The following NBAS variants were observed in gnomAD, a reference collection of about 807,000 sequenced individuals.
The protein encoded by NBAS is NAG/BC035112 fusion.
NBAS carries 219 observed loss-of-function variants against 302.5 expected under a neutral mutation model. The ratio of observed to expected loss-of-function variants is 0.72; its 90% CI spans 0.65 to 0.81. The LOEUF is 0.81. NBAS is among the 30% of genes least tolerant of loss of function. The pLI is 0.00. For synonymous variants in NBAS, 1,118 were observed against 1,021.6 expected, an observed-to-expected ratio of 1.09 and a Z score of -1.80; for missense variants, 2,932 against 2,841.6, an observed-to-expected ratio of 1.03 and a Z score of -0.72.
At chr2:15,203,593 G>A (rs1332323169) in intron 48 of NBAS, among the ~76,000 whole-genome samples, 1 of 151,930 alleles carries the variant, frequency 6.6e-6, no homozygotes, top group Admixed American at 6.6e-5. Flanking sequence ...AAAATAGAAT[G>A]ACAAGAACAA....
chr2:15,064,494 A>G, the NBAS span, among the ~76,000 whole-genome samples: 77,046 of 151,826 alleles, frequency 0.51, 21,807 homozygotes, highest in Non-Finnish European at 0.62. Context: ...AAGTAGTTTG[A>G]CATGCAAAAA....
chr2:14,855,495 G>A, the NBAS span, among the ~76,000 whole-genome samples: 1 of 151,812 alleles, frequency 6.6e-6, no homozygotes. Flanking sequence ...CTTCACTCTT[G>A]GATGGCATTT....
chr2:15,559,663 T>A (rs1388161238), intron 1 of NBAS, among the ~76,000 whole-genome samples: 3 of 152,180 alleles, frequency 2.0e-5, no homozygotes, highest in African/African-American at 7.2e-5. Context: ...AGCTTATAAT[T>A]CAACAGCTGA....
the NBAS span, among the ~76,000 whole-genome samples, chr2:14,885,016 G>A: frequency 6.6e-6 from 1 of 152,314 alleles, no homozygotes; most frequent in East Asian, 1.9e-4. Flanking sequence ...AAGAGGCTGA[G>A]TCCACACTGT....
chr2:14,999,676 T>A, the NBAS span, among the ~76,000 whole-genome samples: 219 of 152,352 alleles, frequency 1.4e-3, no homozygotes, highest in African/African-American at 5.0e-3. Context: ...CCTGTGGAAC[T>A]GTGAGTCAAT....
At chr2:15,054,860 A>T in the NBAS span, among the ~76,000 whole-genome samples, 2 of 152,202 alleles carry the variant, frequency 1.3e-5, no homozygotes, top group Non-Finnish European at 2.9e-5. Context: ...TTGTTGCAAG[A>T]TGTTAATAGA....
At chr2:15,415,525 A>C in intron 25 of NBAS, 21 bp downstream of exon 25, 1 of 1,611,136 alleles carries the variant, frequency 6.2e-7, no homozygotes, top group Non-Finnish European at 8.5e-7. Flanking sequence ...CCAGAATTTT[A>C]AGAAGTTAGT....
At chr2:15,068,858 G>A in the NBAS span, among the ~76,000 whole-genome samples, 86,795 of 152,074 alleles carry the variant, frequency 0.57, 25,747 homozygotes, top group East Asian at 0.69. Context: ...TTATAAGAAA[G>A]GGGATTTATT....
chr2:15,362,410 A>C (rs547572400), intron 32 of NBAS, among the ~76,000 whole-genome samples: 13 of 152,134 alleles, frequency 8.5e-5, no homozygotes, highest in Non-Finnish European at 1.9e-4. Flanking sequence ...CAGGAGGCTG[A>C]GGCAGGAGGA....
chr2:15,072,887 G>A, the NBAS span, among the ~76,000 whole-genome samples: 1 of 152,184 alleles, frequency 6.6e-6, no homozygotes, highest in East Asian at 1.9e-4. Flanking sequence ...CCAACACTTT[G>A]AGAGGCTGAG....
intron 31 of NBAS, among the ~76,000 whole-genome samples, chr2:15,367,465 C>A (rs879267425): frequency 1.3e-5 from 2 of 152,108 alleles, no homozygotes; most frequent in Non-Finnish European, 2.9e-5. Flanking sequence ...GTCTCAGGCA[C>A]TGTTGGAGGT....
intron 29 of NBAS, among the ~76,000 whole-genome samples, chr2:15,380,897 C>T (rs1307567581): frequency 6.7e-6 from 1 of 149,882 alleles, no homozygotes; most frequent in Non-Finnish European, 1.5e-5. Flanking sequence ...TTCTTTGTGT[C>T]TAGGCTTCCT....
the NBAS span, among the ~76,000 whole-genome samples, chr2:15,050,119 A>C: frequency 6.6e-6 from 1 of 152,132 alleles, no homozygotes; most frequent in African/African-American, 2.4e-5. Flanking sequence ...AGCTTTCTTC[A>C]ACCACTCGAG....
intron 48 of NBAS, among the ~76,000 whole-genome samples, chr2:15,215,694 T>C (rs1327865116): frequency 6.6e-6 from 1 of 151,768 alleles, no homozygotes; most frequent in African/African-American, 2.4e-5. Context: ...AAGAGTGGAG[T>C]TTAATGTGTG....
chr2:14,858,887 T>C, the NBAS span, among the ~76,000 whole-genome samples: 3 of 152,126 alleles, frequency 2.0e-5, no homozygotes, highest in Non-Finnish European at 4.4e-5. Context: ...TTTACCCCGA[T>C]GTGATTATTA....
At chr2:14,851,078 T>G in the NBAS span, among the ~76,000 whole-genome samples, 5 of 122,946 alleles carry the variant, frequency 4.1e-5, no homozygotes, top group East Asian at 8.4e-4. Flanking sequence ...ATAACTAAAA[T>G]CAGAGCAGAA....
At chr2:15,326,589 A>G (rs963753521) in intron 38 of NBAS, among the ~76,000 whole-genome samples, 2 of 152,192 alleles carry the variant, frequency 1.3e-5, no homozygotes, top group Non-Finnish European at 2.9e-5. Flanking sequence ...GGAAAGAGAA[A>G]CATGACTATA....
At chr2:15,264,224 G>T (rs943779060) in intron 44 of NBAS, among the ~76,000 whole-genome samples, 2 of 152,080 alleles carry the variant, frequency 1.3e-5, no homozygotes, top group African/African-American at 4.8e-5. Flanking sequence ...TGCTTTTATC[G>T]TGTTAAAATA....
At chr2:15,042,262 G>A in the NBAS span, among the ~76,000 whole-genome samples, 1 of 152,206 alleles carries the variant, frequency 6.6e-6, no homozygotes, top group African/African-American at 2.4e-5. Flanking sequence ...GCAAAGAGAT[G>A]TCAAGGGTAG....
Sources: allele counts gnomAD v4.1 joint callset (sites outside exome capture counted in the v4.1 genomes callset), GRCh38; gene constraint gnomAD v4.1.1; transcripts MANE v1.5; gene names NCBI Gene and HGNC (gene_info 2026-07-23, HGNC 2026-07-21).